NCOR2: variants seen among roughly 807,000 people sequenced by gnomAD.
The protein encoded by NCOR2 is CTG repeat protein 26.
NCOR2 carries 81 observed loss-of-function variants against 262.9 expected under a neutral mutation model. The ratio of observed to expected loss-of-function variants is 0.31; its 90% confidence interval spans 0.26 to 0.37. The LOEUF is 0.37. Ranked by LOEUF, NCOR2 falls within the 10% of genes least tolerant of loss-of-function variation. The probability of loss-of-function intolerance (pLI) is 1.00; values close to 1 mark genes in which losing one functional copy is unlikely to be tolerated. For missense variants in NCOR2, 3,385 were observed against 3,621.4 expected (o/e 0.93, Z 1.68); for synonymous variants, 1,659 against 1,559.3 (o/e 1.06, Z -1.51).
At position 124,455,922 on chromosome 12, in the gene NCOR2, C is replaced by T. The variant is rs545380818; in HGVS notation, c.762+1184G>A. ...GCAGGGTCTCACTCTACTGCCCAGG[C>T]TGGAGTGCAGTGGTGTGATCATAGC... On this transcript the variant is annotated intron_variant, in intron 6 of 46. Coordinates refer to ENST00000405201, the Ensembl canonical transcript of NCOR2. 3.3e-5 allele frequency among the ~76,000 whole-genome samples: 5 copies of T among 152,324 alleles called. No individual in the cohort carries two copies. The East Asian group carries it at 9.7e-4, about 29-fold the overall frequency.
intron 15 of NCOR2, 45 bp from the exon 18 acceptor site, chr12:124,398,226 G>T: frequency 1.2e-6 from 2 of 1,604,642 alleles, no homozygotes; most frequent in Non-Finnish European, 1.7e-6. Flanking sequence ...GGGAGAGGAG[G>T]CACTTTGCCT....
At chr12:124,377,917 C>G (rs2040141835) in intron 18 of NCOR2, among the ~76,000 whole-genome samples, 1 of 151,920 alleles carries the variant, frequency 6.6e-6, no homozygotes, top group South Asian at 2.1e-4. Context: ...TGAAAGACAG[C>G]AGGCACCCAC....
chr12:124,407,864 G>T (rs1363136990), intron 13 of NCOR2, among the ~76,000 whole-genome samples: 1 of 152,150 alleles, frequency 6.6e-6, no homozygotes, highest in African/African-American at 2.4e-5. Flanking sequence ...GTAGGGATGG[G>T]GATTCCAGGA....
At chr12:124,337,167 A>G in exon 38 of NCOR2, 2 of 1,536,426 alleles carry the variant, frequency 1.3e-6, no homozygotes, top group Non-Finnish European at 8.8e-7. Flanking sequence ...ACGGGTGAGG[A>G]GGTGGAGGTG....
At chr12:124,464,998 T>C (rs1038076613) in intron 5 of NCOR2, among the ~76,000 whole-genome samples, 6 of 152,146 alleles carry the variant, frequency 3.9e-5, no homozygotes, top group African/African-American at 1.4e-4. Context: ...CATCGCTGTT[T>C]CTAGAGGTGG....
At chr12:124,430,039 CCT>C (rs141480189) in intron 9 of NCOR2, among the ~76,000 whole-genome samples, 9,880 of 152,300 alleles carry the variant, frequency 0.065, 367 homozygotes, top group African/African-American at 0.1. Flanking sequence ...AGTTTCCTCC[CCT>C]GTCATATGAG....
At chr12:124,430,532 C>T (rs2043853096) in intron 9 of NCOR2, 83 bp downstream of exon 11, 2 of 1,504,658 alleles carry the variant, frequency 1.3e-6, no homozygotes, top group Admixed American at 2.1e-5. Flanking sequence ...TCTGTTCCTT[C>T]CTGGCCAGGC....
At chr12:124,563,099 G>A (rs529335763) in intron 1 of NCOR2, among the ~76,000 whole-genome samples, 2 of 152,292 alleles carry the variant, frequency 1.3e-5, no homozygotes, top group South Asian at 4.1e-4. Context: ...TGGCACAGGT[G>A]GCCGGCAATG....
At chr12:124,414,174 G>A (rs1341931266) in intron 13 of NCOR2, among the ~76,000 whole-genome samples, 1 of 152,208 alleles carries the variant, frequency 6.6e-6, no homozygotes, top group Non-Finnish European at 1.5e-5. Flanking sequence ...CCGAGGGGAC[G>A]GCTGGGCCTC....
chr12:124,407,516 T>G (rs1410903494), intron 13 of NCOR2, among the ~76,000 whole-genome samples: 3 of 151,964 alleles, frequency 2.0e-5, no homozygotes, highest in Admixed American at 6.6e-5. Context: ...CCGGGGACCT[T>G]TCTCAAAAGG....
intron 13 of NCOR2, among the ~76,000 whole-genome samples, chr12:124,417,522 GCCC>G (rs763264954): frequency 1.1e-3 from 163 of 152,250 alleles, no homozygotes; most frequent in Non-Finnish European, 2.0e-3. Context: ...CAGCCTCAAT[GCCC>G]CCAAACAGGT....
intron 17 of NCOR2, among the ~76,000 whole-genome samples, chr12:124,383,925 G>C (rs2040597702): frequency 6.6e-6 from 1 of 152,104 alleles, no homozygotes; most frequent in South Asian, 2.1e-4. Context: ...GGGTACAGTG[G>C]GGCCACACCC....
intron 14 of NCOR2, among the ~76,000 whole-genome samples, chr12:124,401,977 T>G (rs1406031471): frequency 6.6e-6 from 1 of 152,126 alleles, no homozygotes; most frequent in Non-Finnish European, 1.5e-5. Context: ...TCGATGATTC[T>G]AAAGGTGACA....
chr12:124,532,409 G>A (rs955179148), intron 1 of NCOR2, among the ~76,000 whole-genome samples: 1 of 152,142 alleles, frequency 6.6e-6, no homozygotes, highest in African/African-American at 2.4e-5. Context: ...GTGCCCCCAT[G>A]GCCCCACTCC....
Position 124,439,841 on chromosome 12 carries a change from A to G in NCOR2, c.816-1845T>C, listed in dbSNP as rs1293342699. On this transcript the variant is annotated intron_variant, in intron 7 of 46. Transcript: ENST00000405201. ...GAGAGGGAAAGAGAGAGAAGTGGGGAGAGGGAAAGAGACAAGACCCGAAGA... is the reference window on the plus strand; with the variant it reads ...GAGAGGGAAAGAGAGAGAAGTGGGGGGAGGGAAAGAGACAAGACCCGAAGA... 5.3e-5 allele frequency among the ~76,000 whole-genome samples: 8 copies of G among 151,652 alleles called. No individual in the cohort carries two copies. In the East Asian group the frequency reaches 1.4e-3, roughly 26 times the overall value.
In NCOR2 at chr12:124,403,316, G is replaced by A. The variant is rs2042083135; in HGVS notation, c.1483-755C>T. ...GGGGACAGAACAAGCCCATTTTACA[G>A]AGCAGATCAGAGAGGCTGGGAGCCA... On this transcript the variant is annotated intron_variant, in intron 13 of 46. Coordinates refer to ENST00000405201, the Ensembl canonical transcript of NCOR2. Among the ~76,000 whole-genome samples, 2 of 152,136 alleles carry A rather than the reference G, an allele frequency of 1.3e-5. 1 individual carries two copies. The highest frequency in any genetic ancestry group is 4.1e-4 in the South Asian group (2 of 4,832).
intron 38 of NCOR2, chr12:124,335,984 C>A (rs867548368): frequency 7.7e-6 from 2 of 258,650 alleles, no homozygotes; most frequent in Non-Finnish European, 1.5e-5. Flanking sequence ...GTGTGTGGGG[C>A]GGAGTGAGAA....
chr12:124,354,544 G>A (rs768160039), exon 26 of NCOR2: 8 of 1,597,960 alleles, frequency 5.0e-6, no homozygotes, highest in Non-Finnish European at 6.0e-6. Context: ...GCCTGGCCCC[G>A]TGGGGACAGC....
At chr12:124,518,322 C>T (rs2049953007) in intron 1 of NCOR2, 2 of 152,412 alleles carry the variant, frequency 1.3e-5, no homozygotes, top group African/African-American at 4.8e-5. Context: ...CATCCTTCCT[C>T]CAGGATGACA....
Sources: gnomAD v4.1 joint callset for allele counts (sites outside exome capture counted in the v4.1 genomes callset) on GRCh38, gnomAD v4.1.1 for gene constraint, MANE v1.5 for transcripts, NCBI Gene and HGNC (gene_info 2026-07-23, HGNC 2026-07-21) for gene names.